The following UGT2A2 variants were observed in gnomAD, a reference collection of about 807,000 sequenced individuals.
UGT2A2 encodes UDP glucuronosyltransferase family 2 member A2.
In UGT2A2, 60 loss-of-function variants were observed where a neutral mutation model predicts 50.7. That is an observed-to-expected ratio of 1.18 (90% CI 0.96 to 1.47). The LOEUF (loss-of-function observed/expected upper bound fraction) is 1.47, where lower values mean the gene tolerates loss of function less well. Ranked by LOEUF, UGT2A2 falls within the 40% of genes most tolerant of loss-of-function variation. The pLI is 0.00. For synonymous variants in UGT2A2, 242 were observed against 214.6 expected (o/e 1.13, Z -1.11); for missense variants, 762 against 634.0 (o/e 1.20, Z -2.17).
chr4:69,608,432 AG>A (rs996587567), intron 1 of UGT2A2, among the ~76,000 whole-genome samples: 6 of 102,018 alleles, frequency 5.9e-5, no homozygotes, highest in African/African-American at 1.4e-4. Flanking sequence ...GGGTGGGGGG[AG>A]GGGGGAAGGA....
intron 1 of UGT2A2, among the ~76,000 whole-genome samples, chr4:69,620,184 A>C (rs539730372): frequency 6.6e-6 from 1 of 152,134 alleles, no homozygotes; most frequent in East Asian, 1.9e-4. Flanking sequence ...GAAGAGAGAA[A>C]GTCAAACTTT....
At chr4:69,608,990 CAT>C (rs1719857580) in intron 1 of UGT2A2, among the ~76,000 whole-genome samples, 1 of 151,890 alleles carries the variant, frequency 6.6e-6, no homozygotes, top group African/African-American at 2.4e-5. Context: ...TCCTCAGGAA[CAT>C]AAAGAAAAAT....
intron 1 of UGT2A2, among the ~76,000 whole-genome samples, chr4:69,615,713 A>G (rs943580426): frequency 6.6e-6 from 1 of 151,938 alleles, no homozygotes; most frequent in Admixed American, 6.6e-5. Context: ...CCCCGCCGCA[A>G]AAACAAACAA....
At chr4:69,606,730 G>T (rs1255615977) in intron 1 of UGT2A2, among the ~76,000 whole-genome samples, 1 of 136,500 alleles carries the variant, frequency 7.3e-6, no homozygotes, top group Non-Finnish European at 1.6e-5. Flanking sequence ...AAAGTCTCAG[G>T]ATACAAAATC....
intron 1 of UGT2A2, chr4:69,599,793 T>A: frequency 6.5e-6 from 1 of 153,422 alleles, no homozygotes; most frequent in Non-Finnish European, 1.4e-5. Context: ...GGAGGGAGGA[T>A]TTTTTGTTAG....
intron 1 of UGT2A2, among the ~76,000 whole-genome samples, chr4:69,614,078 C>A (rs1413579118): frequency 6.6e-6 from 1 of 151,542 alleles, no homozygotes; most frequent in East Asian, 1.9e-4. Context: ...TCTAGAAAAA[C>A]CTAACAACCT....
chr4:69,639,381 T>C lies in UGT2A2; in HGVS notation c.260A>G (p.Tyr87Cys). ...TAAGGAATCTATATTGCTCTTCTTG[T>C]AGGAAACAGGTATCACTTCAAAATT... Reference protein sequence around the residue: ...PVNFEVIPVSYKKSNIDSLIE... With the variant: ...PVNFEVIPVSCKKSNIDSLIE... The change falls in exon 1 of 6, where the codon TAC becomes TGC. Residue 87 changes from tyrosine (Y) to cysteine (C), a missense_variant. Physicochemically the swap from Tyr to Cys is radical, Grantham distance 194. Transcript: ENST00000604629. The C allele has an allele frequency of 6.2e-7, 1 of 1,613,634 alleles. No individual in the cohort carries two copies. Among genetic ancestry groups the C allele is most frequent in the Non-Finnish European group, 8.5e-7 (1 of 1,179,716 alleles).
At chr4:69,637,078 T>C (rs1577999358) in intron 1 of UGT2A2, among the ~76,000 whole-genome samples, 2 of 152,162 alleles carry the variant, frequency 1.3e-5, no homozygotes, top group Non-Finnish European at 2.9e-5. Context: ...ACATTTCAAA[T>C]GTCTTGAGAC....
chr4:69,594,543 A>C lies in UGT2A2; in HGVS notation c.1265T>G (p.Val422Gly), dbSNP rs777946521. Residue 422 changes from valine to glycine, a missense_variant, in exon 5 of 6, where the codon GTG becomes GGG. By Grantham distance (109) the Val-to-Gly change is moderately radical. Coordinates refer to ENST00000604629, the MANE Select transcript of UGT2A2 (RefSeq NM_001105677.2). ...CACACTTGTCATTGTGTTTAGGTTC[A>C]CTTCCACAGCTGCTCCTTTGGCCTT... The part of the protein sequence containing the change: ...HMKAKGAAVE[V>G]NLNTMTSVDL... The C allele has an allele frequency of 1.2e-6, 2 of 1,614,058 alleles. No homozygotes were observed. The highest frequency in any genetic ancestry group is 2.7e-5 in the African/African-American group (2 of 74,932).
chr4:69,590,072 G>A (rs1718501189), intron 5 of UGT2A2, among the ~76,000 whole-genome samples: 1 of 152,172 alleles, frequency 6.6e-6, no homozygotes, highest in South Asian at 2.1e-4. Flanking sequence ...GACAGACAAA[G>A]GAAATTGGCA....
In UGT2A2 at chr4:69,610,246, CA is replaced by C. The variant is rs4148316; in HGVS notation, c.743-10853del. On this transcript the variant is annotated intron_variant, in intron 1 of 5. Coordinates refer to ENST00000604629, the MANE Select transcript of UGT2A2 (RefSeq NM_001105677.2). The stretch of plus-strand genomic sequence containing the variant: ...TTGCATTGTTCTAATTCTGCCATTA[CA>C]AAAAAAAAGTTGCATTGAATTCATT... 7.5e-4 allele frequency among the ~76,000 whole-genome samples: 113 copies of C among 151,168 alleles called. 1 individual carries two copies. Among genetic ancestry groups the C allele is most frequent in the African/African-American group, 2.4e-3 (100 of 41,272 alleles).
intron 1 of UGT2A2, among the ~76,000 whole-genome samples, chr4:69,633,747 T>A (rs182947386): frequency 6.6e-6 from 1 of 151,994 alleles, no homozygotes; most frequent in Non-Finnish European, 1.5e-5. Context: ...TCAAGGAAAA[T>A]TGATCCATGG....
intron 1 of UGT2A2, among the ~76,000 whole-genome samples, chr4:69,629,883 A>G: frequency 6.6e-6 from 1 of 152,098 alleles, no homozygotes. Context: ...GATCCATAAG[A>G]ATAATCAGTA....
At chr4:69,621,366 T>G (rs1464142989) in intron 1 of UGT2A2, among the ~76,000 whole-genome samples, 1 of 151,966 alleles carries the variant, frequency 6.6e-6, no homozygotes, top group African/African-American at 2.4e-5. Context: ...AAAGAAGACA[T>G]ACATGCAACC....
rs1718842696 is a variant in UGT2A2 at position 69,595,150 on chromosome 4, C to T, written c.1111+12G>A. Reference sequence around the variant, plus strand: ...GTCCCACTGTACAGCTTTTCTTTCCCCACAGTCTTACCAAGAAGATCATTC... The same window carrying T: ...GTCCCACTGTACAGCTTTTCTTTCCTCACAGTCTTACCAAGAAGATCATTC... On this transcript the variant is annotated intron_variant, in intron 4 of 5. Coordinates refer to ENST00000604629, the MANE Select transcript of UGT2A2 (RefSeq NM_001105677.2). 2 of 1,613,686 alleles carry T rather than the reference C, an allele frequency of 1.2e-6. No individual in the cohort carries two copies. The highest frequency in any genetic ancestry group is 2.2e-5 in the South Asian group (2 of 91,074).
chr4:69,607,155 C>T (rs1441537609), intron 1 of UGT2A2, among the ~76,000 whole-genome samples: 2 of 147,588 alleles, frequency 1.4e-5, no homozygotes, highest in African/African-American at 2.6e-5. Flanking sequence ...ATCACACTAC[C>T]TGACTTCAAA....
At chr4:69,620,861 T>A (rs1720711616) in intron 1 of UGT2A2, among the ~76,000 whole-genome samples, 1 of 151,714 alleles carries the variant, frequency 6.6e-6, no homozygotes. Context: ...CATCAGATCT[T>A]CTACAAAACT....
chr4:69,596,366 T>A lies in UGT2A2; in HGVS notation c.907A>T (p.Ile303Phe). The A allele has an allele frequency of 2.5e-6, 4 of 1,598,166 alleles. No homozygotes were observed. Among genetic ancestry groups the A allele is most frequent in the Non-Finnish European group, 3.4e-6 (4 of 1,172,024 alleles). ...ACACCATTTTTACCTGAGCTCTGGA[T>A]AAATTCTTCCATTTCCTGCATACAT... ...KPLPKEMEEF[I>F]QSSGKNGVVV... The change falls in exon 3 of 6, where the codon ATC becomes TTC. Residue 303 changes from isoleucine (I) to phenylalanine (F), a missense_variant. Physicochemically the swap from Ile to Phe is conservative, Grantham distance 21 (BLOSUM62 0). Coordinates refer to ENST00000604629, the MANE Select transcript of UGT2A2 (RefSeq NM_001105677.2).
intron 1 of UGT2A2, among the ~76,000 whole-genome samples, chr4:69,630,716 A>G (rs1250170184): frequency 6.6e-6 from 1 of 152,136 alleles, no homozygotes; most frequent in East Asian, 1.9e-4. Flanking sequence ...AGGATGTATA[A>G]AAATTATATA....
Sources: allele counts gnomAD v4.1 joint callset (sites outside exome capture counted in the v4.1 genomes callset), GRCh38; gene constraint gnomAD v4.1.1; transcripts MANE v1.5; gene names NCBI Gene and HGNC (gene_info 2026-07-23, HGNC 2026-07-21).